LYPD6B: variants seen among roughly 807,000 people sequenced by gnomAD.
LYPD6B encodes the protein LY6/PLAUR domain containing 6B, also known as ly6/PLAUR domain-containing protein 6B.
LYPD6B carries 17 observed loss-of-function variants against 22.8 expected under a neutral mutation model. The observed-to-expected ratio is 0.75, with a 90% CI of 0.51 to 1.12. The LOEUF is 1.12. Among genes scored for constraint, LYPD6B ranks in the 50% most tolerant of loss-of-function variants. LYPD6B has a pLI of 0.00. For synonymous variants in LYPD6B, 106 were observed against 91.6 expected (o/e 1.16, Z -0.90); for missense variants, 221 against 258.3 (o/e 0.86, Z 0.99).
intron 1 of LYPD6B, among the ~76,000 whole-genome samples, chr2:149,110,753 G>A (rs1233962717): frequency 6.6e-6 from 1 of 152,068 alleles, no homozygotes; most frequent in Non-Finnish European, 1.5e-5. Context: ...ATCAAATATA[G>A]AATAGCAAAT....
intron 1 of LYPD6B, among the ~76,000 whole-genome samples, chr2:149,106,190 A>G (rs1686463218): frequency 6.6e-6 from 1 of 152,126 alleles, no homozygotes; most frequent in African/African-American, 2.4e-5. Flanking sequence ...TTCAATTTGC[A>G]AAAATTTGTT....
chr2:149,073,484 T>C (rs1684740202), intron 1 of LYPD6B, among the ~76,000 whole-genome samples: 1 of 152,172 alleles, frequency 6.6e-6, no homozygotes, highest in African/African-American at 2.4e-5. Flanking sequence ...TTGTTCTTGC[T>C]GTCTTCCTGT....
intron 1 of LYPD6B, among the ~76,000 whole-genome samples, chr2:149,070,620 G>C (rs923308099): frequency 1.3e-5 from 2 of 152,146 alleles, no homozygotes; most frequent in African/African-American, 4.8e-5. Context: ...ACTCTTGTTG[G>C]CTTCTAGTCA....
intron 2 of LYPD6B, among the ~76,000 whole-genome samples, chr2:149,133,519 A>T (rs530225712): frequency 1.3e-5 from 2 of 152,342 alleles, no homozygotes; most frequent in African/African-American, 4.8e-5. Context: ...CTTTGGGAAT[A>T]TCTTAGAGAA....
chr2:149,156,717 C>A (rs919321586), intron 2 of LYPD6B, among the ~76,000 whole-genome samples: 2 of 152,138 alleles, frequency 1.3e-5, no homozygotes. Context: ...CCTCTTAAGA[C>A]TCTCCAGATA....
Position 149,215,191 on chromosome 2 carries a change from C to T in LYPD6B, c.*481C>T, listed in dbSNP as rs147093571. The T allele has an allele frequency of 7.2e-4, 112 of 154,880 alleles. No individual in the cohort carries two copies. Among genetic ancestry groups the T allele is most frequent in the Non-Finnish European group, 1.2e-3 (83 of 69,724 alleles). 9.6% of individuals were successfully genotyped at this position (154,880 alleles called of 1,614,324 possible). On this transcript the variant is annotated 3_prime_UTR_variant, in exon 7 of 7. Coordinates refer to ENST00000409642, the MANE Select transcript of LYPD6B (RefSeq NM_177964.5). Reference sequence around the variant, plus strand: ...AAAGGCAACTGTACGAAGAAAACTTCCAGTGGAACTAATATGAAATCTATT... The same window carrying T: ...AAAGGCAACTGTACGAAGAAAACTTTCAGTGGAACTAATATGAAATCTATT...
intron 2 of LYPD6B, among the ~76,000 whole-genome samples, chr2:149,138,369 A>G (rs1688490104): frequency 6.6e-6 from 1 of 152,216 alleles, no homozygotes; most frequent in South Asian, 2.1e-4. Context: ...GTGACTCCAT[A>G]GTATGTTCAT....
At chr2:149,076,489 A>G (rs1216020089) in intron 1 of LYPD6B, among the ~76,000 whole-genome samples, 2 of 152,226 alleles carry the variant, frequency 1.3e-5, no homozygotes, top group Admixed American at 1.3e-4. Context: ...AAGATTTGTC[A>G]TAAGATGTTC....
intron 2 of LYPD6B, among the ~76,000 whole-genome samples, chr2:149,132,595 C>A (rs1325739683): frequency 1.3e-5 from 2 of 152,020 alleles, no homozygotes; most frequent in Non-Finnish European, 2.9e-5. Flanking sequence ...GGCTTTGAAG[C>A]CTTTTTAGTG....
In LYPD6B at chr2:149,173,107, A is replaced by G. The variant is rs1245982829; in HGVS notation, c.77+12272A>G. On this transcript the variant is annotated intron_variant, in intron 3 of 6. Transcript: ENST00000409642. ...AAACCTGACTAATACAATCGTGAAG[A>G]AGAATTTTGTTTGATTCAGGATGAG... Among the ~76,000 whole-genome samples the G allele has an allele frequency of 2.6e-5, 4 of 152,044 alleles. No homozygotes were observed. The East Asian group carries it at 7.7e-4, about 29-fold the overall frequency.
rs1011594457 is a variant in LYPD6B, at chr2:149,212,937, T to A, written c.329-55T>A. 13 of 1,564,900 alleles carry A rather than the reference T, an allele frequency of 8.3e-6. No individual in the cohort carries two copies. In the Admixed American group the frequency reaches 1.1e-4, roughly 13 times the overall value. ...TTGTTAAGAGATCTCTTTTGTAATA[T>A]GGATATTGAAATTACCTTGTTTCTT... On this transcript the variant is annotated intron_variant, in intron 5 of 6. Coordinates refer to ENST00000409642, the MANE Select transcript of LYPD6B (RefSeq NM_177964.5).
chr2:149,141,037 A>T (rs1688660408), intron 2 of LYPD6B, among the ~76,000 whole-genome samples: 1 of 152,198 alleles, frequency 6.6e-6, no homozygotes, highest in African/African-American at 2.4e-5. Flanking sequence ...CCCTGTTCTC[A>T]TGGAACTTAC....
intron 3 of LYPD6B, among the ~76,000 whole-genome samples, chr2:149,198,977 C>A (rs1429870729): frequency 6.6e-6 from 1 of 152,184 alleles, no homozygotes; most frequent in Non-Finnish European, 1.5e-5. Flanking sequence ...ATTTCTAAAT[C>A]TTAAGAAATC....
chr2:149,185,830 T>TATA (rs1199871150), intron 3 of LYPD6B, among the ~76,000 whole-genome samples: 1 of 152,198 alleles, frequency 6.6e-6, no homozygotes, highest in Non-Finnish European at 1.5e-5. Context: ...TCATTATTAT[T>TATA]ATACCTGTTA....
chr2:149,063,376 C>T (rs1364254149), intron 1 of LYPD6B, among the ~76,000 whole-genome samples: 1 of 152,100 alleles, frequency 6.6e-6, no homozygotes, highest in South Asian at 2.1e-4. Context: ...CTACCATATA[C>T]TTATATACCC....
intron 3 of LYPD6B, among the ~76,000 whole-genome samples, chr2:149,201,044 C>T (rs1394377425): frequency 1.3e-5 from 2 of 152,182 alleles, no homozygotes; most frequent in African/African-American, 4.8e-5. Flanking sequence ...CTTGAAGTCA[C>T]GATACCTAAT....
Position 149,113,033 on chromosome 2 carries a change from T to G in LYPD6B, c.-66-17850T>G, listed in dbSNP as rs115811099. 7.9e-3 allele frequency among the ~76,000 whole-genome samples: 1,207 copies of G among 152,184 alleles called. 14 individuals carry two copies. The highest frequency in any genetic ancestry group is 0.027 in the African/African-American group (1,139 of 41,530). ...AGGTATGGTAGGAGAGGAATGAAAG[T>G]TTACATGGTACCTACCATCGGCAAA... is the stretch of plus-strand genomic sequence containing the variant. On this transcript the variant is annotated intron_variant, in intron 1 of 6. Coordinates refer to ENST00000409642, the MANE Select transcript of LYPD6B (RefSeq NM_177964.5).
At chr2:149,119,939 A>C (rs1443441006) in intron 1 of LYPD6B, among the ~76,000 whole-genome samples, 1 of 152,134 alleles carries the variant, frequency 6.6e-6, no homozygotes, top group Non-Finnish European at 1.5e-5. Flanking sequence ...AAGCAAAAAA[A>C]AAAATTTTGC....
chr2:149,177,030 G>A (rs1369874184), intron 3 of LYPD6B, among the ~76,000 whole-genome samples: 4 of 152,152 alleles, frequency 2.6e-5, no homozygotes, highest in Non-Finnish European at 5.9e-5. Flanking sequence ...ATTTGAAGTG[G>A]ATCAATTCAG....
Sources: allele counts gnomAD v4.1 joint callset (sites outside exome capture counted in the v4.1 genomes callset), GRCh38; gene constraint gnomAD v4.1.1; transcripts MANE v1.5; gene names NCBI Gene and HGNC (gene_info 2026-07-23, HGNC 2026-07-21).